Variants in FADS2 observed in about 807,000 individuals in gnomAD.
FADS2 encodes acyl-CoA 6-desaturase.
A neutral mutation model predicts 61.2 loss-of-function variants in FADS2; 18 were observed. That is an observed-to-expected ratio of 0.29 (90% confidence interval 0.20 to 0.44). The LOEUF (loss-of-function observed/expected upper bound fraction) is 0.44, where lower values mean the gene tolerates loss of function less well. Among genes scored for constraint, FADS2 ranks in the 20% least tolerant of loss-of-function variants. The pLI is 1.00. For synonymous variants in FADS2, 203 were observed against 223.9 expected (o/e 0.91, Z 0.83); for missense variants, 322 against 572.7 (o/e 0.56, Z 4.47).
intron 4 of FADS2, among the ~76,000 whole-genome samples, chr11:61,846,008 C>T (rs2067255560): frequency 6.6e-6 from 1 of 152,150 alleles, no homozygotes; most frequent in African/African-American, 2.4e-5. Context: ...ATGCCTTGCT[C>T]CTCAGTTTCT....
At chr11:61,861,365 A>AAAAAAAAAAAAAAAAAC in intron 7 of FADS2, among the ~76,000 whole-genome samples, 1 of 130,790 alleles carries the variant, frequency 7.6e-6, no homozygotes, top group Non-Finnish European at 1.6e-5. Context: ...AAAAAAAAAA[A>AAAAAAAAAAAAAAAAAC]AAAAAACAGA....
chr11:61,848,337 G>A, intron 5 of FADS2, 53 bp downstream of exon 5: 2 of 1,608,122 alleles, frequency 1.2e-6, no homozygotes, highest in Middle Eastern at 1.7e-4. Context: ...TGGGCGAATG[G>A]CAGACCATCG....
rs1177587336 is a variant in FADS2 at position 61,863,297 on chromosome 11, C to T, written c.996C>T (p.His332=). 1.9e-6 allele frequency: 3 copies of T among 1,613,980 alleles called. No homozygotes were observed. Among genetic ancestry groups the T allele is most frequent in the Middle Eastern group, 1.7e-4 (1 of 6,060 alleles). The stretch of plus-strand genomic sequence containing the variant: ...TCTCTTGCAGGTTCCTGGAGAGCCA[C>T]TGGTTTGTGTGGGTCACACAGATGA... ...FLNFIRFLES[H]WFVWVTQMNH... Residue 332 remains histidine (H), a synonymous_variant, in exon 9 of 12, where the codon CAC becomes CAT. Transcript: ENST00000278840.
At chr11:61,841,183 C>T (rs191028642) in intron 4 of FADS2, among the ~76,000 whole-genome samples, 400 of 151,882 alleles carry the variant, frequency 2.6e-3, no homozygotes, top group African/African-American at 9.2e-3. Flanking sequence ...TCCCGAGTAG[C>T]TGGGATTACA....
intron 2 of FADS2, 30 bp from the exon 3 acceptor site, chr11:61,840,304 G>A: frequency 6.3e-7 from 1 of 1,593,184 alleles, no homozygotes. Context: ...GCTGGTGGCT[G>A]ACTCCTTTCC....
At position 61,865,901 on chromosome 11, in the gene FADS2, G is replaced by A. The variant is rs1435163688; in HGVS notation, c.*212G>A. On this transcript the variant is annotated 3_prime_UTR_variant, in exon 12 of 12. Transcript: ENST00000278840. The surrounding 1 kb of genome is among the most constrained non-coding windows in gnomAD (Gnocchi z 4.1). Reference sequence around the variant, plus strand: ...TCATGGGACCTGCCCTCCCTCAGCCGTCAGCCATCAGCCATGGCCCTCCCA... The same window carrying A: ...TCATGGGACCTGCCCTCCCTCAGCCATCAGCCATCAGCCATGGCCCTCCCA... 4.2e-5 allele frequency: 24 copies of A among 576,002 alleles called. No homozygotes were observed. The highest frequency in any genetic ancestry group is 1.1e-4 in the South Asian group (5 of 43,546). The allele number at this position is 576,002 out of a possible 1,614,324, so 35.7% of individuals were successfully genotyped here. A position where few individuals can be genotyped will look rare whatever the true frequency, so the allele number is the denominator to read the frequency against.
In FADS2 at chr11:61,866,150, C is replaced by G. The variant is rs1011616953; in HGVS notation, c.*461C>G. On this transcript the variant is annotated 3_prime_UTR_variant, in exon 12 of 12. Coordinates refer to ENST00000278840, the MANE Select transcript of FADS2 (RefSeq NM_004265.4). ...GGTCCTAGTCGGGCAGGGCCCCTGA[C>G]CCTCCCGGCCTGGCTTCACTCTCCC... 1 of 398,890 alleles carries G rather than the reference C, an allele frequency of 2.5e-6. No individual in the cohort carries two copies. Among genetic ancestry groups the G allele is most frequent in the African/African-American group, 2.1e-5 (1 of 48,652 alleles). 24.7% of individuals were successfully genotyped at this position (398,890 alleles called of 1,614,324 possible).
chr11:61,838,578 A>G (rs1336209053), intron 2 of FADS2, among the ~76,000 whole-genome samples: 5 of 151,552 alleles, frequency 3.3e-5, no homozygotes, highest in Non-Finnish European at 7.4e-5. Flanking sequence ...CCTGGGCCAG[A>G]CCCCTCTGTT....
At chr11:61,843,954 C>T (rs897385373) in intron 4 of FADS2, among the ~76,000 whole-genome samples, 1 of 152,022 alleles carries the variant, frequency 6.6e-6, no homozygotes, top group Non-Finnish European at 1.5e-5. Flanking sequence ...AGCCACCACG[C>T]CCGGCCTGCA....
chr11:61,852,683 G>A (rs2067317395), intron 5 of FADS2, among the ~76,000 whole-genome samples: 1 of 152,142 alleles, frequency 6.6e-6, no homozygotes, highest in Non-Finnish European at 1.5e-5. Context: ...GGATATTGGG[G>A]TAGTTATCTT....
intron 1 of FADS2, among the ~76,000 whole-genome samples, chr11:61,822,196 C>T (rs1195515801): frequency 6.6e-6 from 1 of 152,196 alleles, no homozygotes; most frequent in Admixed American, 6.5e-5. Flanking sequence ...GTCTCCATCT[C>T]CTGACTTGGT....
At chr11:61,863,257 T>C (rs1237965437) in intron 8 of FADS2, 25 bp from the exon 9 acceptor site, 1 of 1,591,926 alleles carries the variant, frequency 6.3e-7, no homozygotes, top group South Asian at 1.1e-5. Flanking sequence ...CGGAGGCCCC[T>C]GCGCTGAGCT....
chr11:61,825,749 C>G (rs941085900), upstream of FADS2, among the ~76,000 whole-genome samples: 1 of 151,602 alleles, frequency 6.6e-6, no homozygotes, highest in Non-Finnish European at 1.5e-5. Flanking sequence ...AAAAATTAGC[C>G]GGGTGTGGTG....
intron 5 of FADS2, 92 bp downstream of exon 5, chr11:61,848,376 T>A: frequency 6.3e-7 from 1 of 1,582,136 alleles, no homozygotes; most frequent in South Asian, 1.1e-5. Context: ...GGTGTTGACC[T>A]AGGAAGTGTT....
chr11:61,828,724 G>A lies in FADS2; in HGVS notation c.207+127G>A, dbSNP rs1591164214. 1.3e-6 allele frequency: 1 copy of A among 793,828 alleles called. No homozygotes were observed. The highest frequency in any genetic ancestry group is 2.0e-6 in the Non-Finnish European group (1 of 495,968). The allele number at this position is 793,828 out of a possible 1,614,324, so 49.2% of individuals were successfully genotyped here. On this transcript the variant is annotated intron_variant, in intron 1 of 11. Coordinates refer to ENST00000278840, the MANE Select transcript of FADS2 (RefSeq NM_004265.4). This position sits in a 1 kb window ranked among gnomAD's most constrained non-coding sequence, Gnocchi z 6.4. Reference sequence around the variant, plus strand: ...TTGGGACGTCCTGTAGGGAAGGAAAGTGCATCTATTGCACTCGTACCCCCT... The same window carrying A: ...TTGGGACGTCCTGTAGGGAAGGAAAATGCATCTATTGCACTCGTACCCCCT...
chr11:61,860,502 G>T (rs1264182130), intron 7 of FADS2, among the ~76,000 whole-genome samples: 1 of 152,188 alleles, frequency 6.6e-6, no homozygotes, highest in Non-Finnish European at 1.5e-5. Flanking sequence ...TTGGCTTCCA[G>T]GTCCCCACCT....
At chr11:61,839,265 G>A (rs537353450) in intron 2 of FADS2, among the ~76,000 whole-genome samples, 2 of 152,206 alleles carry the variant, frequency 1.3e-5, no homozygotes, top group Admixed American at 6.5e-5. Context: ...TGTGCGCAGA[G>A]CAAGTGGTGC....
rs376923392 is a variant in FADS2, at chr11:61,840,379, G to A, written c.364G>A (p.Asp122Asn). 6 of 1,614,068 alleles carry A rather than the reference G, an allele frequency of 3.7e-6. No homozygotes were observed. Among genetic ancestry groups the A allele is most frequent in the Non-Finnish European group, 4.2e-6 (5 of 1,180,042 alleles). ...DFRALRKTAE[D>N]MNLFKTNHVF... The stretch of plus-strand genomic sequence containing the variant: ...CCGGGCCCTGAGGAAGACGGCTGAG[G>A]ACATGAACCTGTTCAAGACCAACCA... The change falls in exon 3 of 12, where the codon GAC becomes AAC. Residue 122 changes from aspartate to asparagine, a missense_variant. This residue lies in a region of FADS2 where 221 missense variants were observed against 427.9 expected (regional missense o/e 0.52). Transcript: ENST00000278840.
intron 1 of FADS2, among the ~76,000 whole-genome samples, chr11:61,822,530 C>T (rs906718334): frequency 1.3e-5 from 2 of 152,174 alleles, no homozygotes; most frequent in Admixed American, 6.5e-5. Flanking sequence ...TGCTTCTCTG[C>T]GGTGCCTTCT....
Sources: gnomAD v4.1 joint callset for allele counts (sites outside exome capture counted in the v4.1 genomes callset) on GRCh38, gnomAD v4.1.1 for gene constraint, gnomAD v4.1.1 regional missense constraint, Gnocchi (gnomAD v3.1) non-coding constraint, MANE v1.5 for transcripts, NCBI Gene and HGNC (gene_info 2026-07-23, HGNC 2026-07-21) for gene names.